The following ZNF44 variants were observed in gnomAD, a reference collection of about 807,000 sequenced individuals.
ZNF44 encodes the protein gonadotropin inducible transcription repressor-2.
Under a neutral mutation model 11.7 loss-of-function variants are expected in ZNF44, and 9 were observed. That is an observed-to-expected ratio of 0.77 (90% confidence interval 0.46 to 1.35). ZNF44 has a LOEUF of 1.35. Ranked by LOEUF, ZNF44 falls within the 40% of genes most tolerant of loss-of-function variation. The pLI is 0.00. For synonymous variants in ZNF44, 224 were observed against 242.7 expected, an observed-to-expected ratio of 0.92 and a Z score of 0.72; for missense variants, 696 against 743.1, an observed-to-expected ratio of 0.94 and a Z score of 0.74.
chr19:12,271,994 G>A lies in ZNF44; in HGVS notation c.*413C>T. ...GCAGCAACTCTATTTGAAAGAAATGGAAACTTTTTTTTTTTTTTTTGAGAT... is the reference window on the plus strand; with the variant it reads ...GCAGCAACTCTATTTGAAAGAAATGAAAACTTTTTTTTTTTTTTTTGAGAT... On this transcript the variant is annotated 3_prime_UTR_variant, in exon 4 of 4. Transcript: ENST00000355684. 1 of 149,674 alleles carries A rather than the reference G, an allele frequency of 6.7e-6. No homozygotes were observed. The allele number at this position is 149,674 out of a possible 1,614,324, so 9.3% of individuals were successfully genotyped here. A position where few individuals can be genotyped will look rare whatever the true frequency, so the allele number is the denominator to read the frequency against.
intron 5 of ZNF44, among the ~76,000 whole-genome samples, chr19:12,262,616 T>C (rs1917558300): frequency 6.6e-6 from 1 of 152,092 alleles, no homozygotes; most frequent in Non-Finnish European, 1.5e-5. Context: ...TGTCACATCC[T>C]CTAGGGCATA....
At chr19:12,288,774 G>GTATATATATATATA (rs55971577) in intron 1 of ZNF44, among the ~76,000 whole-genome samples, 780 of 76,724 alleles carry the variant, frequency 0.01, 39 homozygotes, top group African/African-American at 0.028. Context: ...AAAAAAAAAT[G>GTATATATATATATA]TATATATATA....
intron 7 of ZNF44, among the ~76,000 whole-genome samples, chr19:12,249,345 A>T (rs1916894348): frequency 6.6e-6 from 1 of 151,006 alleles, no homozygotes; most frequent in Non-Finnish European, 1.5e-5. Flanking sequence ...TCTCTACTAA[A>T]AATACAAAAA....
chr19:12,291,266 A>G (rs1967996113), intron 1 of ZNF44: 2 of 454,976 alleles, frequency 4.4e-6, no homozygotes, highest in South Asian at 3.1e-5. Flanking sequence ...AAGAAGAGAA[A>G]CTAAAGTTTT....
At chr19:12,255,115 CA>C (rs1237989017) in intron 5 of ZNF44, among the ~76,000 whole-genome samples, 1 of 112,168 alleles carries the variant, frequency 8.9e-6, no homozygotes, top group African/African-American at 2.6e-5. Context: ...CACACACACA[CA>C]CACACACACA....
intron 1 of ZNF44, chr19:12,291,309 C>T (rs1429385407): frequency 2.3e-6 from 1 of 427,320 alleles, no homozygotes; most frequent in Non-Finnish European, 4.6e-6. Flanking sequence ...AAATACCTAC[C>T]ACACATTCTT....
At chr19:12,250,242 C>G in exon 6 of ZNF44, 1 of 1,358,196 alleles carries the variant, frequency 7.4e-7, no homozygotes, top group Non-Finnish European at 9.8e-7. Flanking sequence ...TCATTTTTAC[C>G]TATAGTGGCC....
intron 5 of ZNF44, chr19:12,260,058 A>C: frequency 1.9e-6 from 1 of 522,052 alleles, no homozygotes; most frequent in Admixed American, 2.3e-5. Flanking sequence ...GGGGCAACCC[A>C]GGCATCAGTC....
At chr19:12,269,320 T>G (rs1410218618), downstream of ZNF44, among the ~76,000 whole-genome samples, 1 of 152,068 alleles carries the variant, frequency 6.6e-6, no homozygotes, top group Non-Finnish European at 1.5e-5. Context: ...GTCAGGAGAT[T>G]GAGACCATCC....
chr19:12,283,011 C>G (rs1036925372), intron 1 of ZNF44, among the ~76,000 whole-genome samples: 2 of 152,188 alleles, frequency 1.3e-5, no homozygotes, highest in Non-Finnish European at 2.9e-5. Flanking sequence ...TTCTCCTAAA[C>G]TTTCTCATAA....
intron 5 of ZNF44, among the ~76,000 whole-genome samples, chr19:12,264,308 C>T (rs1282876718): frequency 6.6e-6 from 1 of 152,162 alleles, no homozygotes; most frequent in Non-Finnish European, 1.5e-5. Flanking sequence ...GTACGTAGGA[C>T]ACCTGCAGGG....
chr19:12,283,933 G>A (rs1745846855), intron 1 of ZNF44, among the ~76,000 whole-genome samples: 1 of 152,176 alleles, frequency 6.6e-6, no homozygotes, highest in South Asian at 2.1e-4. Context: ...AGGCTGCAGT[G>A]AGCTGATTAT....
At chr19:12,225,427 C>T (rs991128237), downstream of ZNF44, 1 of 152,074 alleles carries the variant, frequency 6.6e-6, no homozygotes, top group Admixed American at 6.6e-5. Flanking sequence ...TACTCCTTAG[C>T]TTTTTAGCTT....
chr19:12,289,292 T>C (rs1211687908), intron 1 of ZNF44, among the ~76,000 whole-genome samples: 2 of 151,440 alleles, frequency 1.3e-5, no homozygotes, highest in African/African-American at 4.9e-5. Flanking sequence ...TGAGCAAGAG[T>C]GAAATTGTGT....
chr19:12,250,036 T>C (rs1288588040), exon 7 of ZNF44: 14 of 1,282,070 alleles, frequency 1.1e-5, no homozygotes, highest in Non-Finnish European at 1.3e-5. Context: ...TTTTGTTTTG[T>C]TCCTGAAATG....
rs559497928 is a variant in ZNF44 at position 12,266,374 on chromosome 19, C to T, written c.1912+6113G>A. 6 of 979,428 alleles carry T rather than the reference C, an allele frequency of 6.1e-6. No individual in the cohort carries two copies. The South Asian group carries it at 2.8e-4, about 46-fold the overall frequency. The allele number at this position is 979,428 out of a possible 1,614,324, so 60.7% of individuals were successfully genotyped here. On this transcript the variant is annotated intron_variant and NMD_transcript_variant, in intron 5 of 7. Transcript: ENST00000393337. ...ACCCTGAGCTGACACACCCTCAGCA[C>T]TTTCAGAGAAGCCGAGAGCGACCCG...
At chr19:12,247,958 A>T (rs1403671323) in exon 8 of ZNF44, 1 of 1,351,280 alleles carries the variant, frequency 7.4e-7, no homozygotes, top group South Asian at 1.2e-5. Context: ...GTTTCTCTCC[A>T]GTATGAGTCT....
chr19:12,274,239 A>G (rs1394090552), intron 3 of ZNF44, among the ~76,000 whole-genome samples, 176 bp from the exon 4 acceptor site: 4 of 150,772 alleles, frequency 2.7e-5, no homozygotes, highest in Admixed American at 2.6e-4. Context: ...TTTCAAGACA[A>G]TGATATGCAC....
At chr19:12,276,491 T>C (rs1168336758) in intron 1 of ZNF44, among the ~76,000 whole-genome samples, 2 of 152,206 alleles carry the variant, frequency 1.3e-5, no homozygotes, top group Non-Finnish European at 1.5e-5. Context: ...TTTCGTGGTG[T>C]CTAGACAATG....
Sources: allele counts gnomAD v4.1 joint callset (sites outside exome capture counted in the v4.1 genomes callset), GRCh38; gene constraint gnomAD v4.1.1; transcripts MANE v1.5; gene names NCBI Gene and HGNC (gene_info 2026-07-23, HGNC 2026-07-21).